The following TRRAP variants were observed in gnomAD, a reference collection of about 807,000 sequenced individuals.
The protein encoded by TRRAP is transformation/transcription domain-associated protein.
In TRRAP, 41 loss-of-function variants were observed where a neutral mutation model predicts 438.8. The ratio of observed to expected loss-of-function variants is 0.09; its 90% CI spans 0.07 to 0.12. The LOEUF is 0.12. Ranked by LOEUF, TRRAP falls within the 10% of genes least tolerant of loss-of-function variation. The pLI is 1.00. For missense variants in TRRAP, 3,122 were observed against 5,055.1 expected (o/e 0.62, Z 11.60); for synonymous variants, 1,994 against 1,962.9 (o/e 1.02, Z -0.42).
chr7:98,921,763 G>T lies in TRRAP; in HGVS notation c.2633G>T (p.Arg878Leu), dbSNP rs17161510. 6.2e-7 allele frequency: 1 copy of T among 1,614,092 alleles called. No individual in the cohort carries two copies. Among genetic ancestry groups the T allele is most frequent in the Non-Finnish European group, 8.5e-7 (1 of 1,180,032 alleles). Reference sequence around the variant, plus strand: ...CACGCTGATTTTCAGGCTCTGTGGCGCACCTTACGCAACCCTGCTGACAGC... The same window carrying T: ...CACGCTGATTTTCAGGCTCTGTGGCTCACCTTACGCAACCCTGCTGACAGC... ...VRAELMQALW[R>L]TLRNPADSIS... Residue 878 changes from arginine to leucine, a missense_variant, in exon 21 of 73, where the codon CGC becomes CTC. Arg to Leu is a moderately radical substitution (Grantham distance 102). Transcript: ENST00000456197.
At position 98,945,947 on chromosome 7, in the gene TRRAP, A is replaced by G. The variant is rs1554416690; in HGVS notation, c.4545A>G (p.Val1515=). The part of the protein sequence containing the change: ...FCQFEPAMEG[V]EEMKICSAII... ...TGGTTCAGCCTGCCATGGAAGGGGT[A>G]GAGGTGAGAACTTGAGCGGAGCTAC... is the stretch of plus-strand genomic sequence containing the variant. The change falls in exon 33 of 73, where the codon GTA becomes GTG. Residue 1515 remains valine, a synonymous_variant. Transcript: ENST00000456197. 2 of 1,478,502 alleles carry G rather than the reference A, an allele frequency of 1.4e-6. No individual in the cohort carries two copies. The highest frequency in any genetic ancestry group is 2.6e-5 in the East Asian group (1 of 38,950). The allele number at this position is 1,478,502 out of a possible 1,614,324, so 91.6% of individuals were successfully genotyped here. A position where few individuals can be genotyped will look rare whatever the true frequency, so the allele number is the denominator to read the frequency against.
rs546569009 is a variant in TRRAP at position 98,961,982 on chromosome 7, A to G, written c.6704-320A>G. On this transcript the variant is annotated intron_variant, in intron 46 of 72. Transcript: ENST00000456197. ...GTCTGCTTTGGAAATTCAGTTCTTC[A>G]TCAGTTGAATATTATTTTTTTAAGC... is the stretch of plus-strand genomic sequence containing the variant. Among the ~76,000 whole-genome samples, 39 of 152,354 alleles carry G rather than the reference A, an allele frequency of 2.6e-4. No individual in the cohort carries two copies. In the South Asian group the frequency reaches 8.1e-3, roughly 32 times the overall value.
chr7:98,970,597 ATTTTT>A (rs5886090), intron 52 of TRRAP, among the ~76,000 whole-genome samples: 1 of 147,484 alleles, frequency 6.8e-6, no homozygotes, highest in African/African-American at 2.5e-5. Context: ...GTTCAGCTAG[ATTTTT>A]TTTTTTTTTA....
chr7:98,995,230 G>A (rs1057030606), intron 67 of TRRAP, among the ~76,000 whole-genome samples: 2 of 152,088 alleles, frequency 1.3e-5, no homozygotes, highest in Non-Finnish European at 1.5e-5. Context: ...CTGGTGAGCC[G>A]GTGGGAGATG....
chr7:99,002,822 A>G (rs778881911), intron 67 of TRRAP, among the ~76,000 whole-genome samples: 2 of 152,230 alleles, frequency 1.3e-5, no homozygotes, highest in Non-Finnish European at 2.9e-5. Context: ...GGCCACTCGT[A>G]TAGCTGGGTG....
intron 68 of TRRAP, 66 bp downstream of exon 68, chr7:99,004,481 G>A: frequency 7.1e-7 from 1 of 1,409,198 alleles, no homozygotes; most frequent in African/African-American, 1.4e-5. Flanking sequence ...CCCCATGGGA[G>A]CTCCAGGGTG....
Position 98,994,892 on chromosome 7 carries a change from C to T in TRRAP, c.10309+44C>T, listed in dbSNP as rs758548607. 31 of 1,597,102 alleles carry T rather than the reference C, an allele frequency of 1.9e-5. No homozygotes were observed. The highest frequency in any genetic ancestry group is 6.7e-5 in the African/African-American group (5 of 74,454). ...TCCCTTCCATAGGGAGAATTGTGCA[C>T]GCTGATTTCCTCCGGCTTTAGTGTT... On this transcript the variant is annotated intron_variant, in intron 67 of 72. Coordinates refer to ENST00000456197, the MANE Select transcript of TRRAP (RefSeq NM_001375524.1). The surrounding 1 kb of genome is among the most constrained non-coding windows in gnomAD (Gnocchi z 4.8).
At chr7:98,978,431 T>G in intron 57 of TRRAP, 108 bp downstream of exon 57, 1 of 1,011,068 alleles carries the variant, frequency 9.9e-7, no homozygotes, top group Non-Finnish European at 1.5e-6. Context: ...GCTTTGCTAC[T>G]TTATGGCCAC....
At chr7:98,960,286 G>A (rs919082889) in intron 45 of TRRAP, among the ~76,000 whole-genome samples, 2 of 152,132 alleles carry the variant, frequency 1.3e-5, no homozygotes, top group Admixed American at 6.5e-5. Flanking sequence ...CCATGATCCT[G>A]TGCTTTTCTG....
Position 98,981,923 on chromosome 7 carries a change from C to A in TRRAP, c.8789C>A (p.Pro2930His), listed in dbSNP as rs1792943178. 6.2e-7 allele frequency: 1 copy of A among 1,607,538 alleles called. No individual in the cohort carries two copies. Among genetic ancestry groups the A allele is most frequent in the Non-Finnish European group, 8.5e-7 (1 of 1,178,420 alleles). ...GCCATCCGCGAGTGGCGGCGGCTGC[C>A]CCACGTAGTGTCCCACGTGCACACG... is the stretch of plus-strand genomic sequence containing the variant. ...SLAIREWRRL[P>H]HVVSHVHTPL... The change falls in exon 59 of 73, where the codon CCC (proline) becomes CAC (histidine). Residue 2930 changes from proline to histidine, a missense_variant. Pro to His is a moderately conservative substitution (Grantham distance 77). Transcript: ENST00000456197.
intron 19 of TRRAP, 105 bp from the exon 20 acceptor site, chr7:98,917,318 T>G: frequency 6.7e-7 from 1 of 1,482,956 alleles, no homozygotes; most frequent in South Asian, 1.3e-5. Context: ...CCTGCAGTTG[T>G]GCTGATGTGC....
At chr7:98,992,640 G>A (rs1399859815) in intron 65 of TRRAP, among the ~76,000 whole-genome samples, 3 of 152,082 alleles carry the variant, frequency 2.0e-5, no homozygotes, top group African/African-American at 7.2e-5. Context: ...ATTGAAGTCA[G>A]TCTTACCAGA....
At chr7:98,978,661 GTTC>G (rs1792777394) in intron 57 of TRRAP, 105 bp from the exon 58 acceptor site, 1 of 1,468,798 alleles carries the variant, frequency 6.8e-7, no homozygotes, top group East Asian at 2.3e-5. Context: ...TTACTGTGTT[GTTC>G]TTCTGTAGAA....
In TRRAP at chr7:98,908,630, G is replaced by A. The variant is rs1554407912; in HGVS notation, c.1116-98G>A. The A allele has an allele frequency of 1.8e-6, 2 of 1,090,288 alleles. No homozygotes were observed. The highest frequency in any genetic ancestry group is 2.7e-6 in the Non-Finnish European group (2 of 754,120). The allele number at this position is 1,090,288 out of a possible 1,614,324, so 67.5% of individuals were successfully genotyped here. On this transcript the variant is annotated intron_variant, in intron 13 of 72. Transcript: ENST00000456197. The surrounding 1 kb of genome is among the most constrained non-coding windows in gnomAD (Gnocchi z 4.1). ...GGGCCATGTAAGTGTGCCGACCCAG[G>A]GGTGGTGTTCCTGGGGCAGATGGTG...
intron 1 of TRRAP, among the ~76,000 whole-genome samples, chr7:98,880,032 C>T (rs993551452): frequency 4.6e-5 from 7 of 152,310 alleles, no homozygotes; most frequent in African/African-American, 1.2e-4. Flanking sequence ...ACCAAGTCTC[C>T]ATCTGTGTGT....
intron 13 of TRRAP, among the ~76,000 whole-genome samples, chr7:98,906,641 C>T (rs1796750477): frequency 6.6e-6 from 1 of 151,928 alleles, no homozygotes; most frequent in South Asian, 2.1e-4. Flanking sequence ...CCATGTTGGC[C>T]AGGCTGGTCT....
At chr7:99,007,383 C>CT (rs1794217196) in intron 69 of TRRAP, among the ~76,000 whole-genome samples, 1 of 152,226 alleles carries the variant, frequency 6.6e-6, no homozygotes, top group Non-Finnish European at 1.5e-5. Flanking sequence ...GAGTCTCACT[C>CT]TCTCATTCAG....
At chr7:98,953,534 A>G in intron 40 of TRRAP, 101 bp downstream of exon 40, 3 of 1,460,264 alleles carry the variant, frequency 2.1e-6, no homozygotes, top group Non-Finnish European at 2.8e-6. Context: ...GTCTTCTCCC[A>G]AAACCAATAA....
At position 99,005,427 on chromosome 7, in the gene TRRAP, A is replaced by G. The variant is rs1794117255; in HGVS notation, c.10753+79A>G. On this transcript the variant is annotated intron_variant, in intron 69 of 72. Coordinates refer to ENST00000456197, the MANE Select transcript of TRRAP (RefSeq NM_001375524.1). The surrounding 1 kb of genome is among the most constrained non-coding windows in gnomAD (Gnocchi z 5.1). Reference sequence around the variant, plus strand: ...ATGAGAGCCACACCTCGTGGGGTGCACAGGCAGCTCACGTTAGCCTTTGAG... The same window carrying G: ...ATGAGAGCCACACCTCGTGGGGTGCGCAGGCAGCTCACGTTAGCCTTTGAG... The G allele has an allele frequency of 2.2e-6, 3 of 1,387,532 alleles. No homozygotes were observed. Among genetic ancestry groups the G allele is most frequent in the Non-Finnish European group, 3.1e-6 (3 of 980,374 alleles). 86.0% of individuals were successfully genotyped at this position (1,387,532 alleles called of 1,614,324 possible). A position where few individuals can be genotyped will look rare whatever the true frequency, so the allele number is the denominator to read the frequency against.
Sources: gnomAD v4.1 joint callset for allele counts (sites outside exome capture counted in the v4.1 genomes callset) on GRCh38, gnomAD v4.1.1 for gene constraint, Gnocchi (gnomAD v3.1) non-coding constraint, MANE v1.5 for transcripts, NCBI Gene and HGNC (gene_info 2026-07-23, HGNC 2026-07-21) for gene names.